SUSD6: variants seen among roughly 807,000 people sequenced by gnomAD.
SUSD6 encodes sushi domain containing 6, also known as sushi domain-containing protein 6.
In SUSD6, 16 loss-of-function variants were observed where a neutral mutation model predicts 28.4. The observed-to-expected ratio is 0.56, with a 90% CI of 0.38 to 0.86. SUSD6 has a LOEUF of 0.86. Ranked by LOEUF, SUSD6 falls within the 40% of genes least tolerant of loss-of-function variation. The pLI is 0.00. For synonymous variants in SUSD6, 147 were observed against 159.6 expected (o/e 0.92, Z 0.59); for missense variants, 341 against 384.2 (o/e 0.89, Z 0.94).
intron 2 of SUSD6, among the ~76,000 whole-genome samples, chr14:69,679,885 A>C (rs1885973302): frequency 6.6e-6 from 1 of 152,218 alleles, no homozygotes; most frequent in Non-Finnish European, 1.5e-5. Context: ...GGCGTCTGCC[A>C]ATTCCCAGGC....
intron 1 of SUSD6, among the ~76,000 whole-genome samples, chr14:69,645,156 T>A (rs1375366234): frequency 6.6e-6 from 1 of 152,138 alleles, no homozygotes; most frequent in Non-Finnish European, 1.5e-5. Context: ...GAAGACAGGA[T>A]CTTGTTTGGC....
At chr14:69,687,852 AT>A (rs1186333400) in intron 2 of SUSD6, among the ~76,000 whole-genome samples, 3 of 152,128 alleles carry the variant, frequency 2.0e-5, no homozygotes, top group Non-Finnish European at 4.4e-5. Context: ...GAAGATTGCA[AT>A]TAGATGCTTT....
At chr14:69,682,897 A>C (rs927420177) in intron 2 of SUSD6, among the ~76,000 whole-genome samples, 6 of 151,210 alleles carry the variant, frequency 4.0e-5, no homozygotes, top group African/African-American at 1.5e-4. Flanking sequence ...CTGAATGTCA[A>C]ATCCTTTCTG....
At chr14:69,666,036 C>G (rs1885734919) in intron 2 of SUSD6, among the ~76,000 whole-genome samples, 1 of 152,218 alleles carries the variant, frequency 6.6e-6, no homozygotes, top group Admixed American at 6.5e-5. Context: ...TTCCACACTT[C>G]TGGTTTTATG....
intron 2 of SUSD6, among the ~76,000 whole-genome samples, chr14:69,668,946 C>T (rs1885787027): frequency 6.6e-6 from 1 of 151,464 alleles, no homozygotes; most frequent in South Asian, 2.1e-4. Context: ...GAGGCCTCCC[C>T]AGAAGCACAT....
At chr14:69,687,624 C>T (rs998515380) in intron 2 of SUSD6, among the ~76,000 whole-genome samples, 17 of 152,172 alleles carry the variant, frequency 1.1e-4, no homozygotes, top group Admixed American at 9.2e-4. Flanking sequence ...GTGCTTTAAA[C>T]GACAAAGTTT....
At chr14:69,627,569 A>G (rs1158321595) in intron 1 of SUSD6, among the ~76,000 whole-genome samples, 1 of 152,092 alleles carries the variant, frequency 6.6e-6, no homozygotes, top group Non-Finnish European at 1.5e-5. Flanking sequence ...GCTCCATGCC[A>G]TTCTCCTGCC....
intron 2 of SUSD6, chr14:69,670,648 C>G (rs989616890): frequency 2.4e-6 from 1 of 412,806 alleles, no homozygotes; most frequent in Non-Finnish European, 5.0e-6. Flanking sequence ...CTCTACGTCC[C>G]TCAGTTCTTC....
intron 2 of SUSD6, among the ~76,000 whole-genome samples, chr14:69,700,508 G>A (rs1268819614): frequency 6.6e-6 from 1 of 152,114 alleles, no homozygotes; most frequent in Admixed American, 6.5e-5. Flanking sequence ...CACTCTTCAT[G>A]TTATTTTTTT....
intron 4 of SUSD6, among the ~76,000 whole-genome samples, chr14:69,707,455 G>A (rs1162137865): frequency 6.6e-6 from 1 of 152,216 alleles, no homozygotes; most frequent in Non-Finnish European, 1.5e-5. Flanking sequence ...TCCCATTCAA[G>A]TAAAGATTAA....
intron 1 of SUSD6, among the ~76,000 whole-genome samples, chr14:69,657,681 T>A (rs1166617511): frequency 6.6e-6 from 1 of 152,176 alleles, no homozygotes; most frequent in Non-Finnish European, 1.5e-5. Context: ...AACTGAAATA[T>A]AATAGGCCCA....
chr14:69,705,244 C>T (rs991137039), intron 4 of SUSD6, among the ~76,000 whole-genome samples: 9 of 148,720 alleles, frequency 6.1e-5, no homozygotes, highest in Non-Finnish European at 1.0e-4. Flanking sequence ...CTTGAACCCA[C>T]GAGGCAGAGG....
intron 1 of SUSD6, among the ~76,000 whole-genome samples, chr14:69,643,661 T>G (rs944489486): frequency 6.6e-6 from 1 of 152,174 alleles, no homozygotes; most frequent in Non-Finnish European, 1.5e-5. Flanking sequence ...GACAGCCGTG[T>G]GTGGGGAGGG....
intron 2 of SUSD6, among the ~76,000 whole-genome samples, chr14:69,660,010 C>G (rs1462738668): frequency 6.6e-6 from 1 of 152,158 alleles, no homozygotes; most frequent in Non-Finnish European, 1.5e-5. Context: ...ATTGAACTCA[C>G]CAATACTGGT....
At chr14:69,702,011 G>A (rs1417999932) in intron 2 of SUSD6, among the ~76,000 whole-genome samples, 1 of 152,162 alleles carries the variant, frequency 6.6e-6, no homozygotes, top group Non-Finnish European at 1.5e-5. Flanking sequence ...GAGAGAGGCT[G>A]TGAGGGCACA....
chr14:69,622,254 T>C (rs1223511268), intron 1 of SUSD6, among the ~76,000 whole-genome samples: 1 of 152,206 alleles, frequency 6.6e-6, no homozygotes, highest in African/African-American at 2.4e-5. Context: ...AGCCTTGACC[T>C]TACGGGCTTA....
intron 1 of SUSD6, among the ~76,000 whole-genome samples, chr14:69,652,722 C>T (rs1246874088): frequency 6.6e-6 from 1 of 152,158 alleles, no homozygotes; most frequent in East Asian, 1.9e-4. Flanking sequence ...GCTGCTGTTG[C>T]CTCCCAAGGC....
At chr14:69,672,611 C>G (rs1304547972) in intron 2 of SUSD6, among the ~76,000 whole-genome samples, 4 of 152,218 alleles carry the variant, frequency 2.6e-5, no homozygotes, top group Admixed American at 2.6e-4. Flanking sequence ...GCAGTGGGAA[C>G]ACACTCTCCC....
intron 1 of SUSD6, among the ~76,000 whole-genome samples, chr14:69,646,431 G>A (rs759070433): frequency 1.8e-4 from 27 of 152,104 alleles, no homozygotes; most frequent in Non-Finnish European, 3.2e-4. Context: ...CTTACAGGTT[G>A]ATCACTCCAG....
Sources: allele counts gnomAD v4.1 joint callset (sites outside exome capture counted in the v4.1 genomes callset), GRCh38; gene constraint gnomAD v4.1.1; transcripts MANE v1.5; gene names NCBI Gene and HGNC (gene_info 2026-07-23, HGNC 2026-07-21).